Variants in KIF5B observed in about 807,000 individuals in gnomAD.
KIF5B encodes the protein kinesin family member 5B, also known as kinesin-1 heavy chain.
A neutral mutation model predicts 132.8 loss-of-function variants in KIF5B; 49 were observed. That is an observed-to-expected ratio of 0.37 (90% CI 0.29 to 0.47). The LOEUF (loss-of-function observed/expected upper bound fraction) is 0.47. Ranked by LOEUF, KIF5B falls within the 20% of genes least tolerant of loss-of-function variation. KIF5B has a pLI of 1.00. For missense variants in KIF5B, 780 were observed against 1,144.0 expected (o/e 0.68, Z 4.59); for synonymous variants, 355 against 369.4 (o/e 0.96, Z 0.45).
intron 20 of KIF5B, among the ~76,000 whole-genome samples, 177 bp from the exon 21 acceptor site, chr10:32,018,739 T>C (rs948654168): frequency 6.6e-6 from 1 of 152,154 alleles, no homozygotes; most frequent in South Asian, 2.1e-4. Context: ...AATTTTTTTT[T>C]TTTTGACACA....
At chr10:32,034,425 C>G (rs1327239313) in intron 11 of KIF5B, among the ~76,000 whole-genome samples, 1 of 152,096 alleles carries the variant, frequency 6.6e-6, no homozygotes, top group Admixed American at 6.5e-5. Flanking sequence ...TTCTTTCAAA[C>G]TTTTTCTTCT....
intron 25 of KIF5B, among the ~76,000 whole-genome samples, chr10:32,014,954 G>A (rs544053385): frequency 1.1e-4 from 16 of 152,002 alleles, no homozygotes; most frequent in Admixed American, 7.2e-4. Flanking sequence ...GAAACCCCTC[G>A]TCTCTACTAA....
chr10:32,050,827 T>C (rs1043996648), intron 1 of KIF5B, among the ~76,000 whole-genome samples: 4 of 152,262 alleles, frequency 2.6e-5, no homozygotes, highest in African/African-American at 7.2e-5. Flanking sequence ...TCTATTATTT[T>C]ACTGCTGACA....
At chr10:32,042,584 T>C (rs891951998) in intron 2 of KIF5B, among the ~76,000 whole-genome samples, 1 of 152,216 alleles carries the variant, frequency 6.6e-6, no homozygotes, top group African/African-American at 2.4e-5. Context: ...CCTAACACAG[T>C]GCCTGGCACT....
intron 2 of KIF5B, among the ~76,000 whole-genome samples, chr10:32,047,715 C>T (rs111338539): frequency 0.014 from 2,092 of 152,304 alleles, 47 homozygotes; most frequent in African/African-American, 0.048. Flanking sequence ...TCCTAATCCA[C>T]CTATTTTTAT....
intron 6 of KIF5B, among the ~76,000 whole-genome samples, 162 bp from the exon 7 acceptor site, chr10:32,037,769 GT>G (rs1841480153): frequency 6.6e-6 from 1 of 152,102 alleles, no homozygotes; most frequent in Non-Finnish European, 1.5e-5. Context: ...GGAGGCAAAG[GT>G]TGCAGTGAGC....
At position 32,015,635 on chromosome 10, in the gene KIF5B, T is replaced by C. The variant is rs1013381334; in HGVS notation, c.2786A>G (p.His929Arg). The change falls in exon 25 of 26, where the codon CAT becomes CGT. Residue 929 changes from histidine to arginine, a missense_variant. His to Arg is a conservative substitution (Grantham distance 29). Transcript: ENST00000302418. The stretch of plus-strand genomic sequence containing the variant: ...TGGGTGAGTTGGAGAAGCTGCTGGA[T>C]GTTGCCCGGGACGAATAGGTTTAGC... ...QIAKPIRPGQ[H>R]PAASPTHPSA... 3 of 1,613,388 alleles carry C rather than the reference T, an allele frequency of 1.9e-6. No homozygotes were observed. In the African/African-American group the frequency reaches 4.0e-5, roughly 22 times the overall value.
At chr10:32,015,391 A>C (rs1362712725) in intron 25 of KIF5B, 118 bp downstream of exon 25, 23 of 699,356 alleles carry the variant, frequency 3.3e-5, no homozygotes, top group Non-Finnish European at 4.7e-5. Flanking sequence ...AATTACTTTT[A>C]TAATGCTTAA....
chr10:32,024,146 CTTTTTTTTTTTT>C (rs769483155), intron 15 of KIF5B, among the ~76,000 whole-genome samples: 16 of 69,750 alleles, frequency 2.3e-4, no homozygotes, highest in Admixed American at 6.2e-4. Context: ...ATGAAGAACT[CTTTTTTTTTTTT>C]TTTTTTTTTT....
At chr10:32,015,036 C>T (rs562586098) in intron 25 of KIF5B, among the ~76,000 whole-genome samples, 4 of 151,938 alleles carry the variant, frequency 2.6e-5, no homozygotes, top group East Asian at 3.9e-4. Flanking sequence ...GCAGGGGTAT[C>T]GCTTGAACCC....
chr10:32,027,573 C>A (rs1385133123), intron 15 of KIF5B, among the ~76,000 whole-genome samples: 2 of 151,464 alleles, frequency 1.3e-5, no homozygotes, highest in Non-Finnish European at 2.9e-5. Context: ...TTTAAAGCAA[C>A]CACAAGCCCA....
chr10:32,029,978 A>G (rs1457873410), intron 14 of KIF5B, among the ~76,000 whole-genome samples: 4 of 152,190 alleles, frequency 2.6e-5, no homozygotes, highest in African/African-American at 9.6e-5. Flanking sequence ...TAAAAGCATT[A>G]TTTTGTACTG....
Position 32,035,557 on chromosome 10 carries a change from C to T in KIF5B, c.927G>A (p.Glu309=), listed in dbSNP as rs1841451473. Residue 309 remains glutamate, a synonymous_variant, in exon 10 of 26, where the codon GAG becomes GAA. Transcript: ENST00000302418. ...VICCSPSSYN[E]SETKSTLLFG... ...ATAAGAGTGTAGATTTTGTTTCAGA[C>T]TCATTGTATGATGATGGAGAGCAGC... 6.2e-7 allele frequency: 1 copy of T among 1,613,318 alleles called. No homozygotes were observed. The highest frequency in any genetic ancestry group is 8.5e-7 in the Non-Finnish European group (1 of 1,179,634).
chr10:32,055,779 C>A, intron 1 of KIF5B, 69 bp downstream of exon 1: 5 of 1,577,788 alleles, frequency 3.2e-6, no homozygotes, highest in Non-Finnish European at 4.3e-6. Context: ...CACCCTGCCA[C>A]TTCCCTAAAC....
At chr10:32,053,792 A>G (rs1483669900) in intron 1 of KIF5B, among the ~76,000 whole-genome samples, 1 of 152,116 alleles carries the variant, frequency 6.6e-6, no homozygotes, top group East Asian at 1.9e-4. Context: ...AATGCTTATC[A>G]GCTTACCTAA....
chr10:32,050,739 G>T (rs1054102107), intron 1 of KIF5B, among the ~76,000 whole-genome samples: 3 of 152,186 alleles, frequency 2.0e-5, no homozygotes, highest in African/African-American at 7.2e-5. Context: ...CTTTAGTTGT[G>T]ACATATGTGA....
At chr10:32,020,158 A>G (rs954009005) in intron 19 of KIF5B, among the ~76,000 whole-genome samples, 199 bp from the exon 20 acceptor site, 7 of 152,104 alleles carry the variant, frequency 4.6e-5, no homozygotes, top group African/African-American at 1.7e-4. Flanking sequence ...TGAAATCATG[A>G]TTCTGTTCTC....
intron 15 of KIF5B, among the ~76,000 whole-genome samples, chr10:32,025,221 G>A (rs1446871391): frequency 1.3e-5 from 2 of 152,208 alleles, no homozygotes; most frequent in African/African-American, 4.8e-5. Context: ...TCTCATTCAT[G>A]GCTGATAGGA....
At chr10:32,015,450 C>A in intron 25 of KIF5B, 59 bp downstream of exon 25, 1 of 1,325,218 alleles carries the variant, frequency 7.5e-7, no homozygotes, top group Non-Finnish European at 1.0e-6. Flanking sequence ...AACCAAAAAA[C>A]CTATTTAACA....
Sources: allele counts gnomAD v4.1 joint callset (sites outside exome capture counted in the v4.1 genomes callset), GRCh38; gene constraint gnomAD v4.1.1; transcripts MANE v1.5; gene names NCBI Gene and HGNC (gene_info 2026-07-23, HGNC 2026-07-21).